The following CCDC13 variants were observed in gnomAD, a reference collection of about 807,000 sequenced individuals.
CCDC13 encodes coiled-coil domain-containing protein 13.
Under a neutral mutation model 87.3 loss-of-function variants are expected in CCDC13, and 70 were observed. The ratio of observed to expected loss-of-function variants is 0.80; its 90% CI spans 0.66 to 0.98. The LOEUF (loss-of-function observed/expected upper bound fraction) is 0.98. Ranked by LOEUF, CCDC13 falls within the 50% of genes least tolerant of loss-of-function variation. CCDC13 has a pLI of 0.00. For synonymous variants in CCDC13, 317 were observed against 360.3 expected (o/e 0.88, Z 1.36); for missense variants, 842 against 892.0 (o/e 0.94, Z 0.71).
chr3:42,730,314 G>A (rs1420126760), intron 13 of CCDC13, among the ~76,000 whole-genome samples, 153 bp downstream of exon 13: 3 of 152,132 alleles, frequency 2.0e-5, no homozygotes, highest in African/African-American at 7.2e-5. Flanking sequence ...AGGCCCCAAG[G>A]TTGTGGGGCG....
In CCDC13 at chr3:42,713,179, G is replaced by A. The variant is rs1345874683; in HGVS notation, c.1856C>T (p.Ala619Val). ...PGKASASQRA[A>V]PRTKTGLPTS... is the part of the protein sequence containing the mutation. Reference sequence around the variant, plus strand: ...GCCCCTACCTGTTTTGGTCCTGGGAGCTGCTCTCTGGGAGGCTGATGCCTT... The same window carrying A: ...GCCCCTACCTGTTTTGGTCCTGGGAACTGCTCTCTGGGAGGCTGATGCCTT... Residue 619 changes from alanine to valine, a missense_variant, in exon 14 of 16, where the codon GCT becomes GTT. Transcript: ENST00000310232. 1 of 1,613,962 alleles carries A rather than the reference G, an allele frequency of 6.2e-7. No individual in the cohort carries two copies. Among genetic ancestry groups the A allele is most frequent in the African/African-American group, 1.3e-5 (1 of 74,938 alleles).
rs137954175 is a variant in CCDC13, at chr3:42,706,738, A to G, written c.*2242T>C. ...CTTGTTGAAATCAGTCTATAGATAC[A>G]TGTTCCTTGTACAGAAATAAACAGA... On this transcript the variant is annotated 3_prime_UTR_variant, in exon 16 of 16. Coordinates refer to ENST00000310232, the MANE Select transcript of CCDC13 (RefSeq NM_144719.4). The G allele has an allele frequency of 5.8e-4, 89 of 152,354 alleles. No individual in the cohort carries two copies. Among genetic ancestry groups the G allele is most frequent in the African/African-American group, 2.0e-3 (84 of 41,570 alleles). The allele number at this position is 152,354 out of a possible 1,614,324, so 9.4% of individuals were successfully genotyped here. A position where few individuals can be genotyped will look rare whatever the true frequency, so the allele number is the denominator to read the frequency against.
At chr3:42,716,483 C>T (rs1328862943) in intron 13 of CCDC13, among the ~76,000 whole-genome samples, 10 of 152,066 alleles carry the variant, frequency 6.6e-5, no homozygotes, top group Admixed American at 5.9e-4. Context: ...ACATAAAGAG[C>T]TACTACAACT....
In CCDC13 at chr3:42,747,271, G is replaced by T; in HGVS notation, c.706C>A (p.Arg236=). 1 of 1,613,860 alleles carries T rather than the reference G, an allele frequency of 6.2e-7. No individual in the cohort carries two copies. The highest frequency in any genetic ancestry group is 8.5e-7 in the Non-Finnish European group (1 of 1,179,818). Residue 236 remains arginine, a synonymous_variant, in exon 6 of 16, where the codon CGG becomes AGG. Transcript: ENST00000310232. ...CTCTGAAAGACCTTCTGTGCCATCC[G>T]CAGCTCCTGCTTCACAGACTGGATC... ...NQIQSVKQEL[R]MAQKVLAREV...
intron 10 of CCDC13, among the ~76,000 whole-genome samples, chr3:42,734,101 C>A (rs1348325459): frequency 6.6e-6 from 1 of 152,092 alleles, no homozygotes. Context: ...CAGGCCCCCA[C>A]CCCTCCCTCA....
intron 1 of CCDC13, among the ~76,000 whole-genome samples, chr3:42,762,201 A>G (rs1389808437): frequency 6.6e-6 from 1 of 152,250 alleles, no homozygotes; most frequent in African/African-American, 2.4e-5. Context: ...GCAAAGGTCA[A>G]ACAAAAGCAG....
At chr3:42,737,724 G>A (rs143625005) in intron 9 of CCDC13, among the ~76,000 whole-genome samples, 6 of 152,308 alleles carry the variant, frequency 3.9e-5, no homozygotes, top group African/African-American at 7.2e-5. Context: ...TTTGAGAAGC[G>A]TCTGTTCATA....
At chr3:42,765,087 T>A (rs764307938) in intron 1 of CCDC13, among the ~76,000 whole-genome samples, 1 of 152,220 alleles carries the variant, frequency 6.6e-6, no homozygotes, top group African/African-American at 2.4e-5. Context: ...ACTCATTGAA[T>A]GTACACTGTG....
chr3:42,750,864 T>C (rs1375082009), intron 5 of CCDC13, among the ~76,000 whole-genome samples: 2 of 152,160 alleles, frequency 1.3e-5, no homozygotes, highest in Non-Finnish European at 2.9e-5. Flanking sequence ...GTTCGGAATG[T>C]GGAGGTGCTC....
intron 5 of CCDC13, chr3:42,750,032 T>C (rs529769814): frequency 2.1e-5 from 9 of 438,122 alleles, no homozygotes; most frequent in East Asian, 7.1e-5. Context: ...TGCTGATGAA[T>C]TGAGACCTGC....
intron 1 of CCDC13, among the ~76,000 whole-genome samples, chr3:42,761,186 T>C (rs141258858): frequency 6.6e-5 from 10 of 152,316 alleles, no homozygotes; most frequent in Non-Finnish European, 5.9e-5. Context: ...CAATTAATCA[T>C]AAATCTTGTT....
intron 13 of CCDC13, chr3:42,718,059 A>C (rs1351083880): frequency 6.6e-6 from 1 of 152,248 alleles, no homozygotes; most frequent in Admixed American, 6.5e-5. Context: ...CGTTTGAACA[A>C]GAGCAACTCC....
At chr3:42,755,725 C>T (rs1188847171) in intron 3 of CCDC13, among the ~76,000 whole-genome samples, 2 of 152,158 alleles carry the variant, frequency 1.3e-5, no homozygotes, top group South Asian at 2.1e-4. Context: ...TTTTCAGGGA[C>T]GCTTAGGGCT....
At chr3:42,726,402 C>A (rs1213337335) in intron 13 of CCDC13, among the ~76,000 whole-genome samples, 1 of 152,060 alleles carries the variant, frequency 6.6e-6, no homozygotes, top group East Asian at 1.9e-4. Flanking sequence ...GTAGATGAAG[C>A]ACAACTGAAG....
rs1240072099 is a variant in CCDC13 at position 42,757,094 on chromosome 3, T to C, written c.342A>G (p.Lys114=). The change falls in exon 3 of 16, where the codon AAA becomes AAG. Residue 114 remains lysine (K), a synonymous_variant. Coordinates refer to ENST00000310232, the MANE Select transcript of CCDC13 (RefSeq NM_144719.4). ...RDFEIKHLKK[K]IEEDRFAFTG... Reference sequence around the variant, plus strand: ...TGAAGGCAAATCTGTCCTCTTCTATTTTCTTTTTGAGGTGTTTGATTTCAA... The same window carrying C: ...TGAAGGCAAATCTGTCCTCTTCTATCTTCTTTTTGAGGTGTTTGATTTCAA... The C allele has an allele frequency of 6.2e-7, 1 of 1,614,056 alleles. No homozygotes were observed.
At chr3:42,738,437 A>G (rs1319880277) in intron 9 of CCDC13, among the ~76,000 whole-genome samples, 1 of 152,102 alleles carries the variant, frequency 6.6e-6, no homozygotes, top group East Asian at 1.9e-4. Context: ...GTTTTTTCCA[A>G]TTCTGTGAAG....
At chr3:42,760,898 G>A (rs76335564) in intron 1 of CCDC13, among the ~76,000 whole-genome samples, 2,995 of 152,192 alleles carry the variant, frequency 0.02, 96 homozygotes, top group African/African-American at 0.069. Flanking sequence ...TTGACCATGT[G>A]TATATCTTCT....
intron 1 of CCDC13, among the ~76,000 whole-genome samples, chr3:42,768,449 C>A (rs1429023997): frequency 6.6e-6 from 1 of 152,142 alleles, no homozygotes; most frequent in East Asian, 1.9e-4. Flanking sequence ...GTAATCCCAG[C>A]ACTTTAGGAG....
At chr3:42,709,869 G>A (rs1270864698) in intron 14 of CCDC13, 71 bp from the exon 15 acceptor site, 10 of 1,158,244 alleles carry the variant, frequency 8.6e-6, no homozygotes, top group African/African-American at 1.5e-5. Flanking sequence ...TTCTCCTCCC[G>A]CCATTGCCCA....
Sources: gnomAD v4.1 joint callset for allele counts (sites outside exome capture counted in the v4.1 genomes callset) on GRCh38, gnomAD v4.1.1 for gene constraint, MANE v1.5 for transcripts, NCBI Gene and HGNC (gene_info 2026-07-23, HGNC 2026-07-21) for gene names.